KAT7: variants seen among roughly 807,000 people sequenced by gnomAD.
KAT7 encodes histone acetyltransferase KAT7.
A neutral mutation model predicts 82.1 loss-of-function variants in KAT7; 10 were observed. The observed-to-expected ratio is 0.12, with a 90% CI of 0.08 to 0.21. The LOEUF is 0.21. KAT7 is among the 10% of genes least tolerant of loss of function. The probability of loss-of-function intolerance (pLI) is 1.00; values close to 1 mark genes in which losing one functional copy is unlikely to be tolerated. For missense variants in KAT7, 378 were observed against 760.9 expected (o/e 0.50, Z 5.92); for synonymous variants, 250 against 262.5 (o/e 0.95, Z 0.46).
intron 11 of KAT7, 29 bp from the exon 12 acceptor site, chr17:49,823,173 C>T (rs768177964): frequency 4.9e-6 from 6 of 1,229,716 alleles, no homozygotes; most frequent in South Asian, 2.4e-5. Context: ...ATCCTCATGA[C>T]GTGTTCATCT....
At chr17:49,809,330 C>A in intron 6 of KAT7, 122 bp downstream of exon 6, 1 of 676,894 alleles carries the variant, frequency 1.5e-6, no homozygotes, top group South Asian at 1.9e-5. Flanking sequence ...CAGATGTAAA[C>A]TTAGAATCAT....
At chr17:49,817,463 T>C (rs1347380082) in intron 8 of KAT7, among the ~76,000 whole-genome samples, 1 of 152,226 alleles carries the variant, frequency 6.6e-6, no homozygotes, top group Non-Finnish European at 1.5e-5. Context: ...CACACACTTT[T>C]AAAAACAAAG....
intron 8 of KAT7, among the ~76,000 whole-genome samples, 184 bp from the exon 9 acceptor site, chr17:49,817,636 G>A (rs968034177): frequency 2.0e-5 from 3 of 152,048 alleles, no homozygotes; most frequent in African/African-American, 4.8e-5. Context: ...CTTGCTAATT[G>A]TTGTATTTTT....
chr17:49,796,678 ATAAAT>A, intron 2 of KAT7, 67 bp from the exon 3 acceptor site: 2 of 1,239,100 alleles, frequency 1.6e-6, no homozygotes, highest in Admixed American at 2.3e-5. Context: ...CGATATTCTG[ATAAAT>A]TATATGGATA....
chr17:49,822,450 C>T (rs1289879560), intron 11 of KAT7, among the ~76,000 whole-genome samples: 1 of 152,076 alleles, frequency 6.6e-6, no homozygotes, highest in Admixed American at 6.6e-5. Context: ...AGGCTGGTCT[C>T]GAACTCCTGA....
chr17:49,819,549 G>A (rs1454734271), intron 9 of KAT7, among the ~76,000 whole-genome samples: 1 of 152,020 alleles, frequency 6.6e-6, no homozygotes, highest in Non-Finnish European at 1.5e-5. Flanking sequence ...TAGCCAAAAG[G>A]GCAAGAAATA....
In KAT7 at chr17:49,830,003, G is replaced by A. The variant is rs1336041821; in HGVS notation, c.*2501G>A. ...AGTGATTCTTCTGTCTCAGCCTTCCGAATAGCTGGGATTACAGGTGCCTGT... is the reference window on the plus strand; with the variant it reads ...AGTGATTCTTCTGTCTCAGCCTTCCAAATAGCTGGGATTACAGGTGCCTGT... On this transcript the variant is annotated 3_prime_UTR_variant, in exon 15 of 15. Coordinates refer to ENST00000259021, the MANE Select transcript of KAT7 (RefSeq NM_007067.5). 2 of 151,134 alleles carry A rather than the reference G, an allele frequency of 1.3e-5. No individual in the cohort carries two copies. Among genetic ancestry groups the A allele is most frequent in the Non-Finnish European group, 2.9e-5 (2 of 67,844 alleles). 9.4% of individuals were successfully genotyped at this position (151,134 alleles called of 1,614,324 possible). A position where few individuals can be genotyped will look rare whatever the true frequency, so the allele number is the denominator to read the frequency against.
intron 4 of KAT7, among the ~76,000 whole-genome samples, chr17:49,800,051 C>A (rs375524582): frequency 7.2e-6 from 1 of 139,670 alleles, no homozygotes. Context: ...TCGCTCTGTC[C>A]CCCAGGCTGG....
At chr17:49,805,655 A>G (rs1427966266) in intron 5 of KAT7, among the ~76,000 whole-genome samples, 1 of 152,228 alleles carries the variant, frequency 6.6e-6, no homozygotes, top group East Asian at 1.9e-4. Context: ...GAGTGCTTTG[A>G]GAGAAGTTAA....
In KAT7 at chr17:49,798,365, A is replaced by C. The variant is rs2073982329; in HGVS notation, c.387A>C (p.Pro129=). 1 of 1,614,074 alleles carries C rather than the reference A, an allele frequency of 6.2e-7. No homozygotes were observed. Among genetic ancestry groups the C allele is most frequent in the African/African-American group, 1.3e-5 (1 of 74,940 alleles). The change falls in exon 4 of 15, where the codon CCA becomes CCC. Residue 129 remains proline, a synonymous_variant. Transcript: ENST00000259021. ...ADHDESPPRT[P]TGNAPSSESD... ...ATGATGAGTCACCGCCTCGAACTCC[A>C]ACTGGAAATGCGCCTTCTTCTGAGT...
intron 3 of KAT7, 60 bp from the exon 4 acceptor site, chr17:49,798,259 T>G: frequency 6.5e-7 from 1 of 1,536,838 alleles, no homozygotes; most frequent in South Asian, 1.2e-5. Context: ...AAACTCTGAA[T>G]AGTAAACTTC....
intron 5 of KAT7, among the ~76,000 whole-genome samples, chr17:49,806,395 T>A (rs1335395927): frequency 6.6e-6 from 1 of 152,234 alleles, no homozygotes; most frequent in Non-Finnish European, 1.5e-5. Flanking sequence ...TTAAGGTCAA[T>A]GACCCTACTC....
At position 49,823,315 on chromosome 17, in the gene KAT7, C is replaced by G. The variant is rs766181586; in HGVS notation, c.1480+20C>G. The G allele has an allele frequency of 4.7e-6, 6 of 1,276,470 alleles. No homozygotes were observed. In the Middle Eastern group the frequency reaches 5.5e-4, roughly 118 times the overall value. 79.1% of individuals were successfully genotyped at this position (1,276,470 alleles called of 1,614,324 possible). On this transcript the variant is annotated intron_variant, in intron 12 of 14. Coordinates refer to ENST00000259021, the MANE Select transcript of KAT7 (RefSeq NM_007067.5). Reference sequence around the variant, plus strand: ...ATTTCAGTAAGTGAAACTGCTAAGTCATTAGTTCCACAAGGCAGGGACCAT... The same window carrying G: ...ATTTCAGTAAGTGAAACTGCTAAGTGATTAGTTCCACAAGGCAGGGACCAT...
chr17:49,790,633 G>A (rs952549422), intron 1 of KAT7, among the ~76,000 whole-genome samples: 2 of 152,132 alleles, frequency 1.3e-5, no homozygotes, highest in African/African-American at 4.8e-5. Flanking sequence ...CCTGTTTGGC[G>A]GCAAACCTGT....
chr17:49,806,191 G>A, intron 5 of KAT7, among the ~76,000 whole-genome samples: 1 of 152,208 alleles, frequency 6.6e-6, no homozygotes, highest in East Asian at 1.9e-4. Flanking sequence ...TACTTTGCTA[G>A]TGACACCAGG....
At chr17:49,813,762 TCATTTAC>T (rs1026983005) in intron 7 of KAT7, among the ~76,000 whole-genome samples, 1 of 152,160 alleles carries the variant, frequency 6.6e-6, no homozygotes, top group Non-Finnish European at 1.5e-5. Flanking sequence ...AAATATGACA[TCATTTAC>T]ATACGAGACT....
In KAT7 at chr17:49,828,384, C is replaced by T. The variant is rs2074392595; in HGVS notation, c.*882C>T. 6.6e-6 allele frequency: 1 copy of T among 152,220 alleles called. No homozygotes were observed. Among genetic ancestry groups the T allele is most frequent in the Admixed American group, 6.5e-5 (1 of 15,288 alleles). The allele number at this position is 152,220 out of a possible 1,614,324, so 9.4% of individuals were successfully genotyped here. On this transcript the variant is annotated 3_prime_UTR_variant, in exon 15 of 15. Coordinates refer to ENST00000259021, the MANE Select transcript of KAT7 (RefSeq NM_007067.5). Reference sequence around the variant, plus strand: ...GCATATTAACTGGTTAATTATACTGCAGAAACCTTTTCACCTCCACTAGTC... The same window carrying T: ...GCATATTAACTGGTTAATTATACTGTAGAAACCTTTTCACCTCCACTAGTC...
At chr17:49,795,008 A>AT (rs1298860336) in intron 2 of KAT7, among the ~76,000 whole-genome samples, 3,622 of 145,590 alleles carry the variant, frequency 0.025, 136 homozygotes, top group African/African-American at 0.083. Flanking sequence ...ATTTCTTCAG[A>AT]TTTTTTTTTT....
intron 1 of KAT7, chr17:49,790,090 A>G (rs1217496662): frequency 2.0e-5 from 3 of 152,228 alleles, no homozygotes; most frequent in African/African-American, 7.2e-5. Context: ...ATTCTTGCTC[A>G]TATCAATAGA....
Sources: gnomAD v4.1 joint callset for allele counts (sites outside exome capture counted in the v4.1 genomes callset) on GRCh38, gnomAD v4.1.1 for gene constraint, MANE v1.5 for transcripts, NCBI Gene and HGNC (gene_info 2026-07-23, HGNC 2026-07-21) for gene names.